The following SLC5A11 variants were observed in gnomAD, a reference collection of about 807,000 sequenced individuals.
SLC5A11 encodes solute carrier family 5 member 11.
In SLC5A11, 48 loss-of-function variants were observed where a neutral mutation model predicts 69.8. That is an observed-to-expected ratio of 0.69 (90% CI 0.55 to 0.87). SLC5A11 has a LOEUF of 0.87. Among genes scored for constraint, SLC5A11 ranks in the 40% least tolerant of loss-of-function variants. The pLI is 0.00. For missense variants in SLC5A11, 784 were observed against 866.1 expected, an observed-to-expected ratio of 0.91 and a Z score of 1.19; for synonymous variants, 319 against 342.4, an observed-to-expected ratio of 0.93 and a Z score of 0.75.
chr16:24,849,027 A>G (rs2059150213), intron 1 of SLC5A11, among the ~76,000 whole-genome samples: 1 of 152,156 alleles, frequency 6.6e-6, no homozygotes, highest in African/African-American at 2.4e-5. Flanking sequence ...AAATTCTTCG[A>G]TGAGACATTT....
chr16:24,880,619 C>T (rs1296354715), intron 7 of SLC5A11, among the ~76,000 whole-genome samples: 2 of 152,148 alleles, frequency 1.3e-5, no homozygotes, highest in Non-Finnish European at 2.9e-5. Context: ...CAGGCATGAG[C>T]CACCGTGCCT....
intron 8 of SLC5A11, among the ~76,000 whole-genome samples, chr16:24,885,549 G>A (rs2152345995): frequency 6.6e-6 from 1 of 151,858 alleles, no homozygotes; most frequent in Middle Eastern, 3.4e-3. Context: ...CTGACAGGCT[G>A]AGGTGGGAGG....
intron 10 of SLC5A11, among the ~76,000 whole-genome samples, chr16:24,903,245 CTTAT>C (rs2049780472): frequency 6.6e-6 from 1 of 151,540 alleles, no homozygotes. Context: ...ATTGTACATA[CTTAT>C]AAGGTGCAGT....
intron 8 of SLC5A11, among the ~76,000 whole-genome samples, chr16:24,890,597 G>A (rs898242953): frequency 6.6e-6 from 1 of 151,618 alleles, no homozygotes; most frequent in Admixed American, 6.6e-5. Flanking sequence ...ACTTTGTGAC[G>A]GAGGTTTCAT....
chr16:24,877,798 A>G (rs2047777819), intron 7 of SLC5A11, among the ~76,000 whole-genome samples: 1 of 152,370 alleles, frequency 6.6e-6, no homozygotes, highest in South Asian at 2.1e-4. Flanking sequence ...AGCCTGACCA[A>G]CATGGCAAAA....
At chr16:24,887,702 A>G (rs1031552078) in intron 8 of SLC5A11, among the ~76,000 whole-genome samples, 2 of 152,164 alleles carry the variant, frequency 1.3e-5, no homozygotes, top group African/African-American at 4.8e-5. Context: ...AGCAGTTACA[A>G]TCTGTGTGGC....
intron 10 of SLC5A11, among the ~76,000 whole-genome samples, chr16:24,898,417 T>G (rs2049335005): frequency 6.6e-6 from 1 of 152,032 alleles, no homozygotes; most frequent in Non-Finnish European, 1.5e-5. Context: ...GCTATGTTGC[T>G]CAGGCTGGTC....
At chr16:24,876,025 T>A (rs1478706792) in intron 6 of SLC5A11, among the ~76,000 whole-genome samples, 3 of 151,762 alleles carry the variant, frequency 2.0e-5, no homozygotes, top group Non-Finnish European at 4.4e-5. Flanking sequence ...CGAAACCCCA[T>A]CTCTACCAGA....
At chr16:24,872,378 G>T (rs771223473) in intron 5 of SLC5A11, among the ~76,000 whole-genome samples, 159 bp downstream of exon 6, 22 of 152,066 alleles carry the variant, frequency 1.4e-4, no homozygotes, top group Non-Finnish European at 2.1e-4. Flanking sequence ...TGATCCACAG[G>T]TGAGACAATG....
At chr16:24,886,098 G>A (rs1384392573) in intron 8 of SLC5A11, among the ~76,000 whole-genome samples, 1 of 149,726 alleles carries the variant, frequency 6.7e-6, no homozygotes, top group Admixed American at 6.7e-5. Flanking sequence ...GCAGTGGCAT[G>A]ATCTTGGCTC....
At chr16:24,884,063 C>T in exon 8 of SLC5A11, 1 of 1,611,330 alleles carries the variant, frequency 6.2e-7, no homozygotes, top group South Asian at 1.1e-5. Flanking sequence ...GGCCTGGCTG[C>T]TGTGATCTAC....
intron 15 of SLC5A11, among the ~76,000 whole-genome samples, 156 bp from the exon 17 acceptor site, chr16:24,911,172 A>G (rs2050494824): frequency 6.6e-6 from 1 of 151,246 alleles, no homozygotes; most frequent in Admixed American, 6.6e-5. Context: ...CTCTCAAAAA[A>G]AAAAAAAAAA....
In SLC5A11 at chr16:24,849,572, C is replaced by CAAAAAAAAAAAAAAAA. The variant is rs1182615959; in HGVS notation, c.-25+3141_-25+3156dup. On this transcript the variant is annotated intron_variant, in intron 1 of 15. Transcript: ENST00000347898. ...ACAGAGCGAGACTCTGCCTTGGGGGCAAAAAAAAAAAAAAAAAAAAAATAT... is the reference window on the plus strand; with the variant it reads ...ACAGAGCGAGACTCTGCCTTGGGGGCAAAAAAAAAAAAAAAAAAAAAAAAAAAAAAAAAAAAAATAT... Among the ~76,000 whole-genome samples, 9 of 38,480 alleles carry CAAAAAAAAAAAAAAAA rather than the reference C, an allele frequency of 2.3e-4. 2 individuals are homozygous for CAAAAAAAAAAAAAAAA. The highest frequency in any genetic ancestry group is 7.0e-4 in the African/African-American group (6 of 8,514). The allele number at this position is 38,480 out of a possible 152,430, so 25.2% of individuals were successfully genotyped here.
At position 24,849,589 on chromosome 16, in the gene SLC5A11, A is replaced by ATACATATATATAT. The variant is rs60706405; in HGVS notation, c.-25+3151_-25+3152insTACATATATATAT. On this transcript the variant is annotated intron_variant, in intron 1 of 15. Transcript: ENST00000347898. ...CTTGGGGGCAAAAAAAAAAAAAAAA[A>ATACATATATATAT]AAAAATATATATATATATATATATA... 1.9e-3 allele frequency among the ~76,000 whole-genome samples: 124 copies of ATACATATATATAT among 63,760 alleles called. 6 individuals are homozygous for ATACATATATATAT. Among genetic ancestry groups the ATACATATATATAT allele is most frequent in the Non-Finnish European group, 3.4e-3 (104 of 30,328 alleles). The allele number at this position is 63,760 out of a possible 152,430, so 41.8% of individuals were successfully genotyped here.
At chr16:24,907,203 CA>C in intron 12 of SLC5A11, 28 bp downstream of exon 13, 2 of 1,611,886 alleles carry the variant, frequency 1.2e-6, no homozygotes, top group Non-Finnish European at 8.5e-7. Flanking sequence ...GGGGCTGGGG[CA>C]GGGGGAAGAG....
At chr16:24,853,408 C>T (rs2059397502) in intron 1 of SLC5A11, among the ~76,000 whole-genome samples, 1 of 152,154 alleles carries the variant, frequency 6.6e-6, no homozygotes, top group African/African-American at 2.4e-5. Flanking sequence ...TGGCACACCG[C>T]TGGTGACTAA....
intron 1 of SLC5A11, among the ~76,000 whole-genome samples, chr16:24,850,203 A>AC (rs1004858064): frequency 6.6e-6 from 1 of 150,836 alleles, no homozygotes; most frequent in African/African-American, 2.4e-5. Context: ...TCATGCCTTG[A>AC]CCCCCCAGAA....
intron 1 of SLC5A11, among the ~76,000 whole-genome samples, chr16:24,849,593 A>AAAAAAAAAAAATATATATATATAT: frequency 1.1e-4 from 4 of 35,910 alleles, no homozygotes; most frequent in Non-Finnish European, 2.2e-4. Context: ...AAAAAAAAAA[A>AAAAAAAAAAAATATATATATATAT]ATATATATAT....
chr16:24,851,999 CTCTA>C (rs2059333869), intron 1 of SLC5A11, among the ~76,000 whole-genome samples: 1 of 148,824 alleles, frequency 6.7e-6, no homozygotes, highest in African/African-American at 2.5e-5. Flanking sequence ...CTCTCTCCCA[CTCTA>C]TCTGTTTCTC....
Sources: allele counts gnomAD v4.1 joint callset (sites outside exome capture counted in the v4.1 genomes callset), GRCh38; gene constraint gnomAD v4.1.1; transcripts MANE v1.5; gene names NCBI Gene and HGNC (gene_info 2026-07-23, HGNC 2026-07-21).